Variants in CEP131 observed in about 807,000 individuals in gnomAD.
CEP131 encodes centrosomal protein of 131 kDa.
Under a neutral mutation model 136.8 loss-of-function variants are expected in CEP131, and 99 were observed. The observed-to-expected ratio is 0.72, with a 90% CI of 0.62 to 0.86. The LOEUF (loss-of-function observed/expected upper bound fraction) is 0.86, where lower values mean the gene tolerates loss of function less well. Among genes scored for constraint, CEP131 ranks in the 40% least tolerant of loss-of-function variants. The probability of loss-of-function intolerance (pLI) is 0.00; values close to 1 mark genes in which losing one functional copy is unlikely to be tolerated. For synonymous variants in CEP131, 646 were observed against 612.7 expected (o/e 1.05, Z -0.80); for missense variants, 1,459 against 1,463.0 (o/e 1.00, Z 0.04).
rs115881713 is a variant in CEP131 at position 81,219,030 on chromosome 17, A to C, written c.177+850T>G. Among the ~76,000 whole-genome samples the C allele has an allele frequency of 0.026, 4,027 of 152,120 alleles. 144 individuals are homozygous for C. The highest frequency in any genetic ancestry group is 0.076 in the African/African-American group (3,166 of 41,480). The stretch of plus-strand genomic sequence containing the variant: ...CTGGTCAGGCTCTGCCCCAACCCCC[A>C]CAGAGCGGCTCGATTCCTCCCTTGC... On this transcript the variant is annotated intron_variant, in intron 2 of 25. Coordinates refer to ENST00000450824, the MANE Select transcript of CEP131 (RefSeq NM_014984.4). The surrounding 1 kb of genome is among the most constrained non-coding windows in gnomAD (Gnocchi z 4.0).
Position 81,190,335 on chromosome 17 carries a change from G to A in CEP131, c.3107+304C>T, listed in dbSNP as rs76102609. On this transcript the variant is annotated intron_variant, in intron 24 of 25. Transcript: ENST00000450824. ...CTTACAGTGCCCCAGCTCTTTCAGC[G>A]CCTGTCCACCCAGCCCAGGGCCCCG... Among the ~76,000 whole-genome samples the A allele has an allele frequency of 4.7e-3, 708 of 152,230 alleles. 9 individuals carry two copies. The highest frequency in any genetic ancestry group is 0.016 in the African/African-American group (655 of 41,528).
rs1290633173 is a variant in CEP131, at chr17:81,197,643, A to G, written c.1647+69T>C. The G allele has an allele frequency of 5.3e-6, 8 of 1,505,084 alleles. No homozygotes were observed. In the East Asian group the frequency reaches 9.6e-5, roughly 18 times the overall value. 93.2% of individuals were successfully genotyped at this position (1,505,084 alleles called of 1,614,324 possible). ...GGCTGGTGAGGGGCCTCCTCCCCCG[A>G]GGGCCAGGTGCAGGCTCGTGAGGGG... is the stretch of plus-strand genomic sequence containing the variant. On this transcript the variant is annotated intron_variant, in intron 13 of 25. Coordinates refer to ENST00000450824, the MANE Select transcript of CEP131 (RefSeq NM_014984.4).
intron 1 of CEP131, among the ~76,000 whole-genome samples, chr17:81,221,471 C>G (rs2062387051): frequency 6.6e-6 from 1 of 152,214 alleles, no homozygotes; most frequent in East Asian, 1.9e-4. Context: ...GTCTACACAT[C>G]CAACTCCTGC....
In CEP131 at chr17:81,207,235, T is replaced by C. The variant is rs375803496; in HGVS notation, c.277A>G (p.Thr93Ala). 3.3e-4 allele frequency: 529 copies of C among 1,613,124 alleles called. 4 individuals carry two copies. The South Asian group carries it at 3.3e-3, about 10-fold the overall frequency. The change falls in exon 4 of 26, where the codon ACG becomes GCG. Residue 93 changes from threonine to alanine, a missense_variant. Thr to Ala is a moderately conservative substitution (Grantham distance 58, BLOSUM62 0). Coordinates refer to ENST00000450824, the MANE Select transcript of CEP131 (RefSeq NM_014984.4). Reference sequence around the variant, plus strand: ...AGCATCAGGAAGTCTGTGGGCTCCGTTGGCCTGCATCCGAGAGAGGGCGGC... The same window carrying C: ...AGCATCAGGAAGTCTGTGGGCTCCGCTGGCCTGCATCCGAGAGAGGGCGGC... ...SQPRSGSPRP[T>A]EPTDFLMLFE...
intron 2 of CEP131, among the ~76,000 whole-genome samples, chr17:81,212,433 C>A (rs1352869639): frequency 6.6e-6 from 1 of 152,000 alleles, no homozygotes; most frequent in Non-Finnish European, 1.5e-5. Flanking sequence ...CAGCCCTGGA[C>A]AGGAGTGGGG....
chr17:81,206,987 C>T (rs2062021644), intron 4 of CEP131, 116 bp from the exon 5 acceptor site: 3 of 1,529,826 alleles, frequency 2.0e-6, no homozygotes, highest in Non-Finnish European at 2.6e-6. Context: ...AGGTGGATGT[C>T]CTGGGGTCTG....
At position 81,195,965 on chromosome 17, in the gene CEP131, C is replaced by T. The variant is rs769195046; in HGVS notation, c.1900-14G>A. ...GTCCTCAATCAGCTGTGTTGGGGAC[C>T]GGAGGTGAGGTGCTACACCAAGGCC... is the stretch of plus-strand genomic sequence containing the variant. On this transcript the variant is annotated splice_polypyrimidine_tract_variant and intron_variant, in intron 15 of 25. Coordinates refer to ENST00000450824, the MANE Select transcript of CEP131 (RefSeq NM_014984.4). 1.0e-5 allele frequency: 16 copies of T among 1,601,496 alleles called. No individual in the cohort carries two copies. The Admixed American group carries it at 1.5e-4, about 15-fold the overall frequency.
chr17:81,217,956 A>G, intron 2 of CEP131, among the ~76,000 whole-genome samples: 1 of 152,098 alleles, frequency 6.6e-6, no homozygotes, highest in Non-Finnish European at 1.5e-5. Context: ...AAACTTTTAC[A>G]ACAGTCTCCA....
intron 11 of CEP131, 89 bp downstream of exon 11, chr17:81,198,787 TG>T: frequency 7.6e-7 from 1 of 1,321,788 alleles, no homozygotes; most frequent in Non-Finnish European, 1.1e-6. Context: ...GAGGAGGGGC[TG>T]GGAGAAGCTC....
At chr17:81,221,254 G>T (rs1232355110) in intron 1 of CEP131, among the ~76,000 whole-genome samples, 3 of 152,028 alleles carry the variant, frequency 2.0e-5, no homozygotes, top group Non-Finnish European at 2.9e-5. Flanking sequence ...GGGGACGGGG[G>T]TTCTGACGAT....
At position 81,199,769 on chromosome 17, in the gene CEP131, TC is replaced by T; in HGVS notation, c.972del (p.Arg325GlyfsTer25). The T allele has an allele frequency of 1.2e-6, 2 of 1,611,580 alleles. No individual in the cohort carries two copies. The highest frequency in any genetic ancestry group is 1.7e-6 in the Non-Finnish European group (2 of 1,179,992). Reference sequence around the variant, plus strand: ...CGTGCCTTCTCCTCCCGGGCCTTCCTCCTGGCTGCCTCTTTCTGCTGGTGCA... The same window carrying T: ...CGTGCCTTCTCCTCCCGGGCCTTCCTCTGGCTGCCTCTTTCTGCTGGTGCA... ...LDLHQQKEAA[R>X]RKAREEKARQ... On this transcript the variant is annotated frameshift_variant, in exon 9 of 26. Transcript: ENST00000450824. LOFTEE classifies it high-confidence loss of function.
In CEP131 at chr17:81,208,998, G is replaced by T; in HGVS notation, c.202C>A (p.Gln68Lys). 1.9e-6 allele frequency: 3 copies of T among 1,613,816 alleles called. No individual in the cohort carries two copies. Among genetic ancestry groups the T allele is most frequent in the Non-Finnish European group, 2.5e-6 (3 of 1,179,832 alleles). The change falls in exon 3 of 26, where the codon CAG (glutamine) becomes AAG (lysine). Residue 68 changes from glutamine to lysine, a missense_variant. Transcript: ENST00000450824. The surrounding 1 kb of genome is among the most constrained non-coding windows in gnomAD (Gnocchi z 5.6). ...VLEATGPGGS[Q>K]AINNLRRSNS... is the part of the protein sequence containing the mutation. ...GATCTTCTAAGGTTGTTGATGGCCTGGGAGCCCCCAGGCCCTGTGGCCTCC... is the reference window on the plus strand; with the variant it reads ...GATCTTCTAAGGTTGTTGATGGCCTTGGAGCCCCCAGGCCCTGTGGCCTCC...
At chr17:81,200,785 C>T (rs1416114113) in intron 7 of CEP131, among the ~76,000 whole-genome samples, 1 of 152,172 alleles carries the variant, frequency 6.6e-6, no homozygotes, top group African/African-American at 2.4e-5. Flanking sequence ...TACTGGATGG[C>T]GGGACCCTAC....
At chr17:81,200,023 C>T (rs977789390) in intron 8 of CEP131, 188 bp from the exon 9 acceptor site, 5 of 642,316 alleles carry the variant, frequency 7.8e-6, no homozygotes, top group African/African-American at 1.8e-5. Context: ...ATGAGCCCTA[C>T]GTCGCAGGTG....
At chr17:81,196,077 A>T in intron 15 of CEP131, 126 bp from the exon 16 acceptor site, 7 of 704,822 alleles carry the variant, frequency 9.9e-6, no homozygotes, top group African/African-American at 1.8e-5. Flanking sequence ...TGCCCCTCCT[A>T]GGTTTGTGGA....
chr17:81,192,892 A>G lies in CEP131; in HGVS notation c.2322-49T>C, dbSNP rs754230792. ...CTCGGGGGCCGGGACGGGCGGTCCC[A>G]GGACCCACCCACCGCAGGGGCACGG... is the stretch of plus-strand genomic sequence containing the variant. On this transcript the variant is annotated intron_variant, in intron 18 of 25. Coordinates refer to ENST00000450824, the MANE Select transcript of CEP131 (RefSeq NM_014984.4). The G allele has an allele frequency of 2.6e-6, 4 of 1,567,150 alleles. No homozygotes were observed. In the Admixed American group the frequency reaches 7.1e-5, roughly 28 times the overall value.
At chr17:81,200,552 G>T in intron 7 of CEP131, 106 bp from the exon 8 acceptor site, 1 of 820,238 alleles carries the variant, frequency 1.2e-6, no homozygotes, top group Non-Finnish European at 2.0e-6. Context: ...GCCGGCGGCT[G>T]CACTCAAGTA....
chr17:81,200,021 T>C, intron 8 of CEP131, 186 bp from the exon 9 acceptor site: 1 of 646,314 alleles, frequency 1.5e-6, no homozygotes, highest in East Asian at 2.7e-5. Context: ...GGATGAGCCC[T>C]ACGTCGCAGG....
intron 17 of CEP131, among the ~76,000 whole-genome samples, 189 bp from the exon 18 acceptor site, chr17:81,194,316 G>A (rs1294196285): frequency 2.6e-5 from 4 of 152,182 alleles, no homozygotes; most frequent in South Asian, 2.1e-4. Context: ...ACAGGGCCAC[G>A]GCGCCTCTCC....
Sources: allele counts gnomAD v4.1 joint callset (sites outside exome capture counted in the v4.1 genomes callset), GRCh38; gene constraint gnomAD v4.1.1; non-coding constraint Gnocchi (gnomAD v3.1); transcripts MANE v1.5; gene names NCBI Gene and HGNC (gene_info 2026-07-23, HGNC 2026-07-21).